Variants in TMX4 observed in about 807,000 individuals in gnomAD.
TMX4 encodes the protein thioredoxin-related transmembrane protein 4.
A neutral mutation model predicts 33.3 loss-of-function variants in TMX4; 23 were observed. That is an observed-to-expected ratio of 0.69 (90% CI 0.50 to 0.98). TMX4 has a LOEUF of 0.98. TMX4 is among the 50% of genes least tolerant of loss of function. The pLI, the probability that TMX4 is intolerant of heterozygous loss-of-function variation, is 0.00. For synonymous variants in TMX4, 164 were observed against 161.5 expected (o/e 1.02, Z -0.12); for missense variants, 399 against 448.9 (o/e 0.89, Z 1.01).
At chr20:7,990,294 CA>C (rs11483773) in intron 5 of TMX4, among the ~76,000 whole-genome samples, 2,223 of 127,998 alleles carry the variant, frequency 0.017, 24 homozygotes, top group Non-Finnish European at 0.025. Context: ...GACTCTGCCT[CA>C]AAAAAAAAAA....
intron 3 of TMX4, 121 bp from the exon 4 acceptor site, chr20:7,999,981 A>G: frequency 1.0e-6 from 1 of 984,366 alleles, no homozygotes; most frequent in Non-Finnish European, 1.5e-6. Flanking sequence ...AATTGACTCA[A>G]TTGAAAAATA....
rs927699242 is a variant in TMX4 at position 7,981,975 on chromosome 20, C to T, written c.*276G>A. 1.1e-4 allele frequency: 39 copies of T among 368,844 alleles called. No homozygotes were observed. Among genetic ancestry groups the T allele is most frequent in the Admixed American group, 4.3e-5 (1 of 23,194 alleles). The allele number at this position is 368,844 out of a possible 1,614,324, so 22.8% of individuals were successfully genotyped here. On this transcript the variant is annotated 3_prime_UTR_variant, in exon 8 of 8. Coordinates refer to ENST00000246024, the MANE Select transcript of TMX4 (RefSeq NM_021156.4). ...AGGACTGGGAATGGCCTCCTCTGGT[C>T]GAGACTCTCTGACCCCTAAGTAAAT... is the stretch of plus-strand genomic sequence containing the variant.
chr20:8,006,244 T>A (rs1300335996), intron 2 of TMX4, among the ~76,000 whole-genome samples: 1 of 152,190 alleles, frequency 6.6e-6, no homozygotes, highest in Non-Finnish European at 1.5e-5. Context: ...AGGGAACTTT[T>A]CTCGTTTCAT....
chr20:8,012,484 C>T (rs908643888), intron 1 of TMX4, among the ~76,000 whole-genome samples: 2 of 152,016 alleles, frequency 1.3e-5, no homozygotes, highest in African/African-American at 4.8e-5. Context: ...CCACTCAGAG[C>T]AAGAACACAG....
chr20:7,982,295 A>G lies in TMX4; in HGVS notation c.1006T>C (p.Ser336Pro). 1.9e-6 allele frequency: 3 copies of G among 1,614,094 alleles called. No individual in the cohort carries two copies. Among genetic ancestry groups the G allele is most frequent in the Non-Finnish European group, 2.5e-6 (3 of 1,180,014 alleles). Reference sequence around the variant, plus strand: ...TGCTGACTTTTACGCTGCCTCAAGGAGTCTTCCACCACCTCTGTGTCAGCT... The same window carrying G: ...TGCTGACTTTTACGCTGCCTCAAGGGGTCTTCCACCACCTCTGTGTCAGCT... Reference protein sequence around the residue: ...CPADTEVVEDSLRQRKSQHAD... With the variant: ...CPADTEVVEDPLRQRKSQHAD... Residue 336 changes from serine to proline, a missense_variant, in exon 8 of 8, where the codon TCC becomes CCC. Physicochemically the swap from Ser to Pro is moderately conservative, Grantham distance 74 (BLOSUM62 -1). Coordinates refer to ENST00000246024, the MANE Select transcript of TMX4 (RefSeq NM_021156.4).
In TMX4 at chr20:8,005,893, C is replaced by T. The variant is rs1433934044; in HGVS notation, c.292+4307G>A. ...CCCGTTCTGGCCTCCCCATCCACCT[C>T]GCTGAGAGCTACTTCCACTCAATAA... On this transcript the variant is annotated intron_variant, in intron 2 of 7. Transcript: ENST00000246024. 6.6e-5 allele frequency among the ~76,000 whole-genome samples: 10 copies of T among 152,176 alleles called. No individual in the cohort carries two copies. In the South Asian group the frequency reaches 1.2e-3, roughly 19 times the overall value.
intron 2 of TMX4, among the ~76,000 whole-genome samples, chr20:8,007,893 C>T (rs1245308596): frequency 6.6e-6 from 1 of 152,176 alleles, no homozygotes; most frequent in Non-Finnish European, 1.5e-5. Flanking sequence ...CCCTTACCAC[C>T]ATCTGACATT....
Position 7,980,371 on chromosome 20 carries a change from G to A in TMX4, c.*1880C>T, listed in dbSNP as rs2122846637. Reference sequence around the variant, plus strand: ...CTGTTTCAGCTGATTATAAGAGAAAGAAATCCAGTGACACGAGGGCAGGCA... The same window carrying A: ...CTGTTTCAGCTGATTATAAGAGAAAAAAATCCAGTGACACGAGGGCAGGCA... On this transcript the variant is annotated 3_prime_UTR_variant, in exon 8 of 8. Coordinates refer to ENST00000246024, the MANE Select transcript of TMX4 (RefSeq NM_021156.4). 1 of 152,288 alleles carries A rather than the reference G, an allele frequency of 6.6e-6. No homozygotes were observed. The highest frequency in any genetic ancestry group is 2.1e-4 in the South Asian group (1 of 4,822). The allele number at this position is 152,288 out of a possible 1,614,324, so 9.4% of individuals were successfully genotyped here.
chr20:7,985,245 A>ATG (rs375209258), intron 6 of TMX4, among the ~76,000 whole-genome samples: 12 of 144,896 alleles, frequency 8.3e-5, no homozygotes, highest in Non-Finnish European at 6.0e-5. Context: ...GTGTATATAT[A>ATG]TGTGTGTGTG....
At chr20:8,006,753 T>A (rs1050351259) in intron 2 of TMX4, among the ~76,000 whole-genome samples, 13 of 113,896 alleles carry the variant, frequency 1.1e-4, no homozygotes, top group Admixed American at 4.1e-4. Flanking sequence ...TGATGGAACT[T>A]CTTCTTCTTT....
At chr20:8,012,744 C>T (rs1308944833) in intron 1 of TMX4, among the ~76,000 whole-genome samples, 1 of 152,098 alleles carries the variant, frequency 6.6e-6, no homozygotes, top group Non-Finnish European at 1.5e-5. Flanking sequence ...TAGGCTATTA[C>T]TAAGTTGGTT....
chr20:7,986,214 GA>G (rs2050630427), intron 6 of TMX4, among the ~76,000 whole-genome samples: 1 of 152,134 alleles, frequency 6.6e-6, no homozygotes. Context: ...ACATACCCAG[GA>G]CCTAATGAAG....
chr20:8,005,974 G>A (rs2050728179), intron 2 of TMX4, among the ~76,000 whole-genome samples: 1 of 151,700 alleles, frequency 6.6e-6, no homozygotes, highest in South Asian at 2.1e-4. Context: ...GGTACACCAA[G>A]GCAAGAAGCC....
intron 2 of TMX4, among the ~76,000 whole-genome samples, chr20:8,002,790 G>A (rs988281506): frequency 7.9e-5 from 12 of 152,074 alleles, no homozygotes; most frequent in South Asian, 4.1e-4. Flanking sequence ...CAAATGATGC[G>A]TCTTCTCAAA....
intron 5 of TMX4, among the ~76,000 whole-genome samples, chr20:7,988,677 C>T (rs906493115): frequency 3.3e-5 from 5 of 152,190 alleles, no homozygotes; most frequent in Non-Finnish European, 5.9e-5. Context: ...TGGCATCTGT[C>T]CTCTGTTGAT....
chr20:7,991,413 C>G (rs115471409), intron 5 of TMX4, among the ~76,000 whole-genome samples: 1,635 of 152,210 alleles, frequency 0.011, 18 homozygotes, highest in Middle Eastern at 0.027. Flanking sequence ...GACCAGACAG[C>G]CTTCAGATTT....
chr20:8,007,632 G>A (rs1288391116), intron 2 of TMX4, among the ~76,000 whole-genome samples: 3 of 152,228 alleles, frequency 2.0e-5, no homozygotes, highest in African/African-American at 7.2e-5. Flanking sequence ...TTTATCTCAA[G>A]TACTCCACTG....
chr20:8,008,575 GTTTAA>G (rs1040837635), intron 2 of TMX4, among the ~76,000 whole-genome samples: 4 of 152,124 alleles, frequency 2.6e-5, no homozygotes, highest in Non-Finnish European at 4.4e-5. Context: ...TCACAAGGCT[GTTTAA>G]TTCTTTTAAT....
At chr20:7,996,258 C>A (rs1422190548) in intron 4 of TMX4, among the ~76,000 whole-genome samples, 187 bp from the exon 5 acceptor site, 1 of 152,158 alleles carries the variant, frequency 6.6e-6, no homozygotes, top group Non-Finnish European at 1.5e-5. Flanking sequence ...TGCTGTAAAT[C>A]TATTCCAACT....
Sources: allele counts gnomAD v4.1 joint callset (sites outside exome capture counted in the v4.1 genomes callset), GRCh38; gene constraint gnomAD v4.1.1; transcripts MANE v1.5; gene names NCBI Gene and HGNC (gene_info 2026-07-23, HGNC 2026-07-21).